NME8: variants seen among roughly 807,000 people sequenced by gnomAD.
NME8 encodes the protein NME/NM23 family member 8, also known as protein NME8.
In NME8, 72 loss-of-function variants were observed where a neutral mutation model predicts 82.3. The ratio of observed to expected loss-of-function variants is 0.87; its 90% CI spans 0.72 to 1.06. The LOEUF (loss-of-function observed/expected upper bound fraction) is 1.06, where lower values mean the gene tolerates loss of function less well. Ranked by LOEUF, NME8 falls within the 50% of genes least tolerant of loss-of-function variation. NME8 has a pLI of 0.00. For missense variants in NME8, 712 were observed against 685.4 expected (o/e 1.04, Z -0.43); for synonymous variants, 267 against 228.5 (o/e 1.17, Z -1.52).
intron 15 of NME8, among the ~76,000 whole-genome samples, chr7:37,892,745 C>T (rs1785149545): frequency 6.6e-6 from 1 of 151,894 alleles, no homozygotes; most frequent in Admixed American, 6.6e-5. Context: ...TATTTCACAT[C>T]TACTTATTGC....
intron 15 of NME8, among the ~76,000 whole-genome samples, chr7:37,892,508 C>T (rs1038315434): frequency 4.6e-5 from 7 of 151,690 alleles, no homozygotes; most frequent in African/African-American, 1.7e-4. Context: ...ATTATATACA[C>T]AGATATGTAC....
chr7:37,887,905 A>G (rs1214278661), intron 14 of NME8, among the ~76,000 whole-genome samples: 1 of 152,128 alleles, frequency 6.6e-6, no homozygotes, highest in Non-Finnish European at 1.5e-5. Context: ...CATGGGAGAA[A>G]CTGCCCCCAT....
chr7:37,857,367 A>G lies in NME8; in HGVS notation c.270+22A>G, dbSNP rs369809235. ...TGTTGTAAGTATATTTACTTTCTCAATTGCATTATCAGATTCCAGTTTGCA... is the reference window on the plus strand; with the variant it reads ...TGTTGTAAGTATATTTACTTTCTCAGTTGCATTATCAGATTCCAGTTTGCA... On this transcript the variant is annotated intron_variant, in intron 6 of 17. Transcript: ENST00000199447. 1,139 of 1,480,388 alleles carry G rather than the reference A, an allele frequency of 7.7e-4. 1 individual carries two copies. Among genetic ancestry groups the G allele is most frequent in the Non-Finnish European group, 1.0e-3 (1,106 of 1,059,576 alleles). 91.7% of individuals were successfully genotyped at this position (1,480,388 alleles called of 1,614,324 possible). A position where few individuals can be genotyped will look rare whatever the true frequency, so the allele number is the denominator to read the frequency against.
chr7:37,876,474 C>A (rs1784855043), intron 11 of NME8, among the ~76,000 whole-genome samples: 1 of 151,690 alleles, frequency 6.6e-6, no homozygotes, highest in Non-Finnish European at 1.5e-5. Flanking sequence ...TTTTAGATAA[C>A]CCTTAGTTCA....
intron 14 of NME8, among the ~76,000 whole-genome samples, chr7:37,886,108 G>A (rs972404836): frequency 1.3e-5 from 2 of 152,198 alleles, no homozygotes; most frequent in African/African-American, 4.8e-5. Flanking sequence ...GCATTAACAT[G>A]TATTGCCCCT....
intron 5 of NME8, among the ~76,000 whole-genome samples, chr7:37,851,529 A>C (rs1007688698): frequency 6.6e-6 from 1 of 152,210 alleles, no homozygotes; most frequent in Non-Finnish European, 1.5e-5. Flanking sequence ...TAAGAGACAC[A>C]TTAGATTTTA....
intron 11 of NME8, 54 bp from the exon 12 acceptor site, chr7:37,876,778 T>A: frequency 7.7e-7 from 1 of 1,290,646 alleles, no homozygotes; most frequent in South Asian, 1.3e-5. Flanking sequence ...TTTGTTGGCA[T>A]GGTTATAAAC....
chr7:37,864,541 G>A, intron 9 of NME8, 120 bp downstream of exon 9: 2 of 1,045,602 alleles, frequency 1.9e-6, no homozygotes, highest in East Asian at 5.4e-5. Context: ...ACTGGTGCTA[G>A]GTACCTCTAG....
At chr7:37,899,286 G>A (rs1785277539) in intron 17 of NME8, among the ~76,000 whole-genome samples, 1 of 152,162 alleles carries the variant, frequency 6.6e-6, no homozygotes, top group African/African-American at 2.4e-5. Flanking sequence ...CAGTCTAAAT[G>A]CCCATCAATG....
At chr7:37,889,482 T>G (rs963849475) in intron 15 of NME8, among the ~76,000 whole-genome samples, 2 of 151,856 alleles carry the variant, frequency 1.3e-5, no homozygotes, top group Non-Finnish European at 2.9e-5. Flanking sequence ...TAAGAATTTT[T>G]AAGGTTATAC....
intron 15 of NME8, among the ~76,000 whole-genome samples, chr7:37,891,262 G>T (rs1785125106): frequency 6.6e-6 from 1 of 151,434 alleles, no homozygotes; most frequent in Non-Finnish European, 1.5e-5. Context: ...TCTTCACTAT[G>T]CAGAATTTAG....
At chr7:37,884,270 T>C (rs1310828921) in intron 12 of NME8, 33 bp from the exon 13 acceptor site, 1 of 1,422,752 alleles carries the variant, frequency 7.0e-7, no homozygotes, top group South Asian at 1.2e-5. Context: ...AATCTACCAG[T>C]TTAAAACTTA....
In NME8 at chr7:37,879,005, CCT is replaced by C. The variant is rs928116997; in HGVS notation, c.994+1999_994+2000del. On this transcript the variant is annotated intron_variant, in intron 12 of 17. Coordinates refer to ENST00000199447, the MANE Select transcript of NME8 (RefSeq NM_016616.5). ...AATAGAATTGCCACCCTAACAATCC[CCT>C]GTGTTTTACCTACTAATCTCTTTCT... Among the ~76,000 whole-genome samples, 332 of 152,164 alleles carry C rather than the reference CCT, an allele frequency of 2.2e-3. 3 individuals are homozygous for C. The highest frequency in any genetic ancestry group is 7.6e-3 in the African/African-American group (314 of 41,532).
chr7:37,857,370 G>C (rs373963901), intron 6 of NME8, 25 bp downstream of exon 6: 27 of 1,457,858 alleles, frequency 1.9e-5, no homozygotes, highest in Non-Finnish European at 2.6e-5. Context: ...TTTCTCAATT[G>C]CATTATCAGA....
At chr7:37,892,957 T>A (rs1232628615) in intron 15 of NME8, among the ~76,000 whole-genome samples, 1 of 152,158 alleles carries the variant, frequency 6.6e-6, no homozygotes, top group East Asian at 1.9e-4. Context: ...ATAAATTTTT[T>A]AATTAGCATA....
intron 11 of NME8, among the ~76,000 whole-genome samples, 191 bp from the exon 12 acceptor site, chr7:37,876,641 G>C (rs1488156410): frequency 1.3e-5 from 2 of 151,842 alleles, no homozygotes; most frequent in African/African-American, 2.4e-5. Context: ...TTTTGTAGTG[G>C]GCTCAATAAA....
At chr7:37,896,356 C>T (rs1271160461) in intron 16 of NME8, among the ~76,000 whole-genome samples, 1 of 146,832 alleles carries the variant, frequency 6.8e-6, no homozygotes, top group Non-Finnish European at 1.5e-5. Context: ...ATGGGGATGA[C>T]GGCAAGTCAA....
chr7:37,888,508 G>A (rs1158416922), intron 15 of NME8, 80 bp downstream of exon 15: 4 of 1,382,554 alleles, frequency 2.9e-6, no homozygotes, highest in Non-Finnish European at 4.0e-6. Flanking sequence ...AATCAGAAAA[G>A]CAAAACAGGA....
At chr7:37,894,858 CCCTTT>C (rs1250243536) in intron 16 of NME8, among the ~76,000 whole-genome samples, 69 of 150,876 alleles carry the variant, frequency 4.6e-4, no homozygotes, top group African/African-American at 1.3e-3. Context: ...TTTCCTTTCT[CCCTTT>C]CCTTCCCTTC....
Sources: allele counts gnomAD v4.1 joint callset (sites outside exome capture counted in the v4.1 genomes callset), GRCh38; gene constraint gnomAD v4.1.1; transcripts MANE v1.5; gene names NCBI Gene and HGNC (gene_info 2026-07-23, HGNC 2026-07-21).